FBXL17: variants seen among roughly 807,000 people sequenced by gnomAD.
The protein encoded by FBXL17 is F-box and leucine rich repeat protein 17, also known as F-box/LRR-repeat protein 17.
In FBXL17, 22 loss-of-function variants were observed where a neutral mutation model predicts 66.2. That is an observed-to-expected ratio of 0.33 (90% CI 0.24 to 0.47). FBXL17 has a LOEUF of 0.47. Among genes scored for constraint, FBXL17 ranks in the 20% least tolerant of loss-of-function variants. The pLI is 1.00. For synonymous variants in FBXL17, 474 were observed against 400.5 expected (o/e 1.18, Z -2.19); for missense variants, 878 against 948.2 (o/e 0.93, Z 0.97).
intron 7 of FBXL17, among the ~76,000 whole-genome samples, chr5:107,995,661 A>C (rs1007312575): frequency 6.6e-5 from 10 of 152,188 alleles, no homozygotes; most frequent in African/African-American, 2.4e-4. Flanking sequence ...TATTTTGGAA[A>C]ATTACATGAG....
intron 4 of FBXL17, among the ~76,000 whole-genome samples, chr5:108,303,361 AACACACACACACAC>A (rs58495859): frequency 5.6e-5 from 8 of 141,872 alleles, no homozygotes; most frequent in East Asian, 4.2e-4. Flanking sequence ...CACAGGCATA[AACACACACACACAC>A]ACACACACAC....
chr5:108,031,743 T>C (rs982433836), intron 6 of FBXL17, among the ~76,000 whole-genome samples: 1 of 152,128 alleles, frequency 6.6e-6, no homozygotes, highest in African/African-American at 2.4e-5. Context: ...AAAACAGAGA[T>C]GATACTTCAC....
At chr5:108,253,234 A>C (rs1400431603) in intron 4 of FBXL17, among the ~76,000 whole-genome samples, 3 of 152,130 alleles carry the variant, frequency 2.0e-5, no homozygotes, top group Non-Finnish European at 4.4e-5. Flanking sequence ...ACTTTATTCT[A>C]GGGAAAAAAG....
In FBXL17 at chr5:108,339,928, T is replaced by C. The variant is rs78058504; in HGVS notation, c.1506+8471A>G. On this transcript the variant is annotated intron_variant, in intron 4 of 8. Coordinates refer to ENST00000542267, the MANE Select transcript of FBXL17 (RefSeq NM_001163315.3). Reference sequence around the variant, plus strand: ...TAATTTTAATATTGCTAAACTAATATAATTAAGCAGGTAAATCTGCTGGGT... The same window carrying C: ...TAATTTTAATATTGCTAAACTAATACAATTAAGCAGGTAAATCTGCTGGGT... Among the ~76,000 whole-genome samples the C allele has an allele frequency of 4.4e-3, 663 of 152,142 alleles. 4 individuals carry two copies. Among genetic ancestry groups the C allele is most frequent in the Non-Finnish European group, 6.6e-3 (448 of 68,014 alleles).
intron 7 of FBXL17, among the ~76,000 whole-genome samples, chr5:108,019,125 C>T (rs1260870538): frequency 6.6e-6 from 1 of 152,124 alleles, no homozygotes; most frequent in African/African-American, 2.4e-5. Flanking sequence ...CACTTACTAG[C>T]AGTGTACACT....
intron 7 of FBXL17, among the ~76,000 whole-genome samples, chr5:107,965,911 T>C (rs2112637835): frequency 6.6e-6 from 1 of 152,294 alleles, no homozygotes; most frequent in South Asian, 2.1e-4. Context: ...TGGTGATATT[T>C]TTCCCCTTAG....
At chr5:108,325,969 T>A (rs1759828873) in intron 4 of FBXL17, among the ~76,000 whole-genome samples, 1 of 152,190 alleles carries the variant, frequency 6.6e-6, no homozygotes, top group South Asian at 2.1e-4. Flanking sequence ...CCAACACTCT[T>A]CTAGACAGAG....
intron 6 of FBXL17, among the ~76,000 whole-genome samples, chr5:108,159,974 T>A (rs1019228396): frequency 7.9e-5 from 12 of 152,092 alleles, no homozygotes; most frequent in Non-Finnish European, 1.8e-4. Context: ...AGAAATATGA[T>A]TGCAATAGTA....
At chr5:108,200,509 G>GTT (rs10665629) in intron 5 of FBXL17, among the ~76,000 whole-genome samples, 22,253 of 152,020 alleles carry the variant, frequency 0.15, 1,703 homozygotes, top group Admixed American at 0.17. Flanking sequence ...TGCTGACCAA[G>GTT]TTTGTTTTCT....
chr5:108,116,594 G>C (rs1750264775), intron 6 of FBXL17, among the ~76,000 whole-genome samples: 1 of 152,028 alleles, frequency 6.6e-6, no homozygotes, highest in South Asian at 2.1e-4. Context: ...GTTGCAGTGA[G>C]CCAAGATCAC....
chr5:108,199,116 C>T (rs1290652013), intron 5 of FBXL17, among the ~76,000 whole-genome samples: 2 of 152,062 alleles, frequency 1.3e-5, no homozygotes, highest in African/African-American at 2.4e-5. Context: ...ATCTAGTATA[C>T]ATCTAAGGTA....
chr5:108,170,234 T>C (rs1302559559), intron 6 of FBXL17, among the ~76,000 whole-genome samples: 3 of 152,048 alleles, frequency 2.0e-5, no homozygotes, highest in Non-Finnish European at 2.9e-5. Context: ...CAAATGAAAA[T>C]AGCTCTCAAA....
chr5:108,143,903 T>C (rs1351895182), intron 6 of FBXL17, among the ~76,000 whole-genome samples: 1 of 152,042 alleles, frequency 6.6e-6, no homozygotes, highest in Non-Finnish European at 1.5e-5. Context: ...AGTAAGCTGG[T>C]AGAGATTTTG....
intron 7 of FBXL17, among the ~76,000 whole-genome samples, chr5:108,009,290 T>TAGAGAGATAGATAGATAGATAG (rs1287152827): frequency 1.8e-5 from 1 of 54,714 alleles, no homozygotes; most frequent in Non-Finnish European, 3.1e-5. Flanking sequence ...TATATATATA[T>TAGAGAGATAGATAGATAGATAG]ATATATATAT....
chr5:107,964,312 G>A (rs192999806), intron 7 of FBXL17, among the ~76,000 whole-genome samples: 177 of 152,074 alleles, frequency 1.2e-3, no homozygotes, highest in African/African-American at 3.9e-3. Context: ...AAAATCACAG[G>A]GGATGCAGTG....
At chr5:107,927,442 A>G (rs1373066357) in intron 7 of FBXL17, among the ~76,000 whole-genome samples, 1 of 152,130 alleles carries the variant, frequency 6.6e-6, no homozygotes, top group Non-Finnish European at 1.5e-5. Context: ...GAAGGCTTTA[A>G]TGACTTTGAT....
At chr5:108,038,988 G>A (rs568728224) in intron 6 of FBXL17, among the ~76,000 whole-genome samples, 1 of 152,004 alleles carries the variant, frequency 6.6e-6, no homozygotes, top group South Asian at 2.1e-4. Flanking sequence ...TAGAAGACTA[G>A]TGAATAAATG....
At chr5:107,961,401 T>A (rs1014990322) in intron 7 of FBXL17, among the ~76,000 whole-genome samples, 2 of 151,534 alleles carry the variant, frequency 1.3e-5, no homozygotes, top group African/African-American at 4.9e-5. Context: ...ATTTTTGTAA[T>A]TTTTTTGGTA....
chr5:107,992,451 A>C lies in FBXL17; in HGVS notation c.1822+28474T>G, dbSNP rs140434368. ...ATGTTGGCCTTGAAAAAGTCATATA[A>C]AAAAGGCTATAAGTCTCCCAATTTC... On this transcript the variant is annotated intron_variant, in intron 7 of 8. Coordinates refer to ENST00000542267, the MANE Select transcript of FBXL17 (RefSeq NM_001163315.3). 1.9e-3 allele frequency among the ~76,000 whole-genome samples: 293 copies of C among 152,274 alleles called. 2 individuals carry two copies. The highest frequency in any genetic ancestry group is 6.8e-3 in the African/African-American group (281 of 41,554).
Sources: gnomAD v4.1 joint callset for allele counts (sites outside exome capture counted in the v4.1 genomes callset) on GRCh38, gnomAD v4.1.1 for gene constraint, MANE v1.5 for transcripts, NCBI Gene and HGNC (gene_info 2026-07-23, HGNC 2026-07-21) for gene names.